Variants in PHLPP1 observed in about 807,000 individuals in gnomAD.
PHLPP1 encodes the protein PH domain and leucine rich repeat protein phosphatase 1, also known as PH domain leucine-rich repeat-containing protein phosphatase 1.
Under a neutral mutation model 117.2 loss-of-function variants are expected in PHLPP1, and 42 were observed. The observed-to-expected ratio is 0.36, with a 90% CI of 0.28 to 0.46. The LOEUF is 0.46. Ranked by LOEUF, PHLPP1 falls within the 20% of genes least tolerant of loss-of-function variation. The pLI, the probability that PHLPP1 is intolerant of heterozygous loss-of-function variation, is 1.00. For synonymous variants in PHLPP1, 1,042 were observed against 970.7 expected (o/e 1.07, Z -1.37); for missense variants, 2,084 against 2,241.9 (o/e 0.93, Z 1.42).
At chr18:62,873,892 GATAA>G (rs565556956) in intron 4 of PHLPP1, among the ~76,000 whole-genome samples, 237 of 152,156 alleles carry the variant, frequency 1.6e-3, no homozygotes, top group Non-Finnish European at 2.9e-3. Context: ...ACTTAAGAAA[GATAA>G]ATAAAGGGCC....
At chr18:62,905,185 A>T in intron 7 of PHLPP1, 39 bp from the exon 8 acceptor site, 1 of 1,317,796 alleles carries the variant, frequency 7.6e-7, no homozygotes, top group Non-Finnish European at 1.0e-6. Flanking sequence ...TGTCATTTGT[A>T]TAGTAATGTC....
chr18:62,901,297 G>A (rs546263981), intron 6 of PHLPP1, among the ~76,000 whole-genome samples: 3 of 151,824 alleles, frequency 2.0e-5, no homozygotes, highest in Non-Finnish European at 4.4e-5. Context: ...TTTTTATTCT[G>A]TTTACACATT....
At chr18:62,718,969 G>C (rs931896604) in intron 1 of PHLPP1, among the ~76,000 whole-genome samples, 1 of 152,102 alleles carries the variant, frequency 6.6e-6, no homozygotes, top group Non-Finnish European at 1.5e-5. Context: ...TGGGTAATAA[G>C]CACTTTCTTT....
At chr18:62,944,640 G>C (rs1204482819) in intron 11 of PHLPP1, among the ~76,000 whole-genome samples, 1 of 152,130 alleles carries the variant, frequency 6.6e-6, no homozygotes, top group Non-Finnish European at 1.5e-5. Flanking sequence ...AGTGAGGGTT[G>C]AAGAAAAAGC....
At position 62,727,822 on chromosome 18, in the gene PHLPP1, G is replaced by T. The variant is rs190954374; in HGVS notation, c.1576+10563G>T. Among the ~76,000 whole-genome samples the T allele has an allele frequency of 3.3e-5, 5 of 152,026 alleles. No homozygotes were observed. The East Asian group carries it at 5.8e-4, about 18-fold the overall frequency. ...TCTTTTTGATGCCCCAATTTCCCACGCCATCGTCACTTTTAGGATGGCAGC... is the reference window on the plus strand; with the variant it reads ...TCTTTTTGATGCCCCAATTTCCCACTCCATCGTCACTTTTAGGATGGCAGC... On this transcript the variant is annotated intron_variant, in intron 1 of 16. Transcript: ENST00000262719.
intron 4 of PHLPP1, among the ~76,000 whole-genome samples, chr18:62,867,332 C>T (rs1044285759): frequency 3.3e-5 from 5 of 152,148 alleles, no homozygotes; most frequent in Non-Finnish European, 7.4e-5. Context: ...CATTCATTTA[C>T]ATTGTCTCAC....
intron 1 of PHLPP1, among the ~76,000 whole-genome samples, chr18:62,799,255 G>A (rs2144298047): frequency 6.6e-6 from 1 of 152,282 alleles, no homozygotes; most frequent in Non-Finnish European, 1.5e-5. Flanking sequence ...TGTACTTTAT[G>A]TCATTTGGTT....
At chr18:62,791,836 G>A (rs997769769) in intron 1 of PHLPP1, among the ~76,000 whole-genome samples, 1 of 151,992 alleles carries the variant, frequency 6.6e-6, no homozygotes, top group African/African-American at 2.4e-5. Context: ...GGAAGGTTAA[G>A]AGTCTACACA....
In PHLPP1 at chr18:62,717,276, C is replaced by A; in HGVS notation, c.1576+17C>A. ...TCTATGCAGGTAAGGAAGTCACCTG[C>A]CTTGACGGGTGGTTGCAAAAGCTGC... On this transcript the variant is annotated intron_variant, in intron 1 of 16. Coordinates refer to ENST00000262719, the MANE Select transcript of PHLPP1 (RefSeq NM_194449.4). The A allele has an allele frequency of 6.5e-7, 1 of 1,541,722 alleles. No homozygotes were observed. Among genetic ancestry groups the A allele is most frequent in the Non-Finnish European group, 8.8e-7 (1 of 1,142,278 alleles).
chr18:62,753,843 A>AT (rs1358828319), intron 1 of PHLPP1, among the ~76,000 whole-genome samples: 1 of 152,152 alleles, frequency 6.6e-6, no homozygotes, highest in African/African-American at 2.4e-5. Flanking sequence ...CTGTTTTGTA[A>AT]GATTTCTTAC....
chr18:62,927,361 A>G (rs1909664301), intron 10 of PHLPP1, among the ~76,000 whole-genome samples: 1 of 152,232 alleles, frequency 6.6e-6, no homozygotes, highest in African/African-American at 2.4e-5. Context: ...GCAAAAAACA[A>G]CATATGTCCA....
chr18:62,725,377 A>G (rs1362478177), intron 1 of PHLPP1, among the ~76,000 whole-genome samples: 1 of 151,434 alleles, frequency 6.6e-6, no homozygotes, highest in African/African-American at 2.4e-5. Flanking sequence ...AAAAAAAATA[A>G]TAAATAAAAA....
chr18:62,963,232 C>G (rs969350981), intron 13 of PHLPP1, 136 bp from the exon 14 acceptor site: 1 of 586,248 alleles, frequency 1.7e-6, no homozygotes, highest in African/African-American at 1.9e-5. Flanking sequence ...ATAAGTATTT[C>G]AGACACATTA....
At chr18:62,811,588 T>C (rs2144311893) in intron 1 of PHLPP1, among the ~76,000 whole-genome samples, 1 of 151,856 alleles carries the variant, frequency 6.6e-6, no homozygotes, top group Non-Finnish European at 1.5e-5. Context: ...CTTTTGTTAA[T>C]GGGGCTGTAT....
intron 3 of PHLPP1, among the ~76,000 whole-genome samples, chr18:62,846,634 G>T: frequency 6.6e-6 from 1 of 151,664 alleles, no homozygotes; most frequent in East Asian, 1.9e-4. Flanking sequence ...ATGACTGTAA[G>T]TTACCCAGTA....
chr18:62,736,146 G>A (rs1911363002), intron 1 of PHLPP1, among the ~76,000 whole-genome samples: 1 of 152,100 alleles, frequency 6.6e-6, no homozygotes, highest in Non-Finnish European at 1.5e-5. Flanking sequence ...TGGTTAGCTG[G>A]CCTCTGCTTG....
chr18:62,808,028 A>G (rs986383071), intron 1 of PHLPP1, among the ~76,000 whole-genome samples: 2 of 152,104 alleles, frequency 1.3e-5, no homozygotes, highest in Non-Finnish European at 1.5e-5. Context: ...CCATCATCCT[A>G]TGTGTGTGTG....
intron 1 of PHLPP1, among the ~76,000 whole-genome samples, chr18:62,810,674 T>C (rs1463859429): frequency 2.0e-5 from 3 of 152,216 alleles, no homozygotes; most frequent in Non-Finnish European, 2.9e-5. Flanking sequence ...TGACTCAGGT[T>C]GGCTGTGGGT....
chr18:62,963,563 A>G, intron 14 of PHLPP1, 91 bp downstream of exon 14: 1 of 783,956 alleles, frequency 1.3e-6, no homozygotes, highest in Non-Finnish European at 2.1e-6. Context: ...TGTAGCACAC[A>G]CTTTTCTCAT....
Sources: gnomAD v4.1 joint callset for allele counts (sites outside exome capture counted in the v4.1 genomes callset) on GRCh38, gnomAD v4.1.1 for gene constraint, MANE v1.5 for transcripts, NCBI Gene and HGNC (gene_info 2026-07-23, HGNC 2026-07-21) for gene names.